The following ZNF529 variants were observed in gnomAD, a reference collection of about 807,000 sequenced individuals.
The protein encoded by ZNF529 is zinc finger protein 529.
ZNF529 carries 11 observed loss-of-function variants against 10.1 expected under a neutral mutation model. The observed-to-expected ratio is 1.09, with a 90% CI of 0.69 to 1.81. The LOEUF (loss-of-function observed/expected upper bound fraction) is 1.81, where lower values mean the gene tolerates loss of function less well. ZNF529 is among the 40% of genes most tolerant of loss of function. The pLI is 0.00. For missense variants in ZNF529, 624 were observed against 666.8 expected, an observed-to-expected ratio of 0.94 and a Z score of 0.71; for synonymous variants, 204 against 215.7, an observed-to-expected ratio of 0.95 and a Z score of 0.47.
upstream of ZNF529, among the ~76,000 whole-genome samples, chr19:36,574,396 GTCTTT>G (rs776724410): frequency 5.3e-4 from 80 of 152,244 alleles, no homozygotes; most frequent in Non-Finnish European, 1.0e-3. Context: ...CAGACTTGGG[GTCTTT>G]TCTATCAGTA....
chr19:36,564,670 C>T (rs555866300), intron 2 of ZNF529, among the ~76,000 whole-genome samples: 35 of 152,278 alleles, frequency 2.3e-4, no homozygotes, highest in African/African-American at 8.2e-4. Context: ...AGTTTAGCCA[C>T]TGTGGGATGC....
In ZNF529 at chr19:36,546,057, G is replaced by T. The variant is rs1452149189; in HGVS notation, c.*809C>A. On this transcript the variant is annotated 3_prime_UTR_variant, in exon 5 of 5. Coordinates refer to ENST00000591340, the MANE Select transcript of ZNF529 (RefSeq NM_020951.5). ...ATATATACATATATTGTGTGTGTGT[G>T]TGTGTATATATATATATATATATAG... 1.3e-5 allele frequency: 1 copy of T among 79,316 alleles called. No homozygotes were observed. The highest frequency in any genetic ancestry group is 3.0e-5 in the Non-Finnish European group (1 of 32,894). 4.9% of individuals were successfully genotyped at this position (79,316 alleles called of 1,614,324 possible).
At chr19:36,576,923 A>G (rs990941826), upstream of ZNF529, among the ~76,000 whole-genome samples, 11 of 150,352 alleles carry the variant, frequency 7.3e-5, no homozygotes, top group Admixed American at 1.3e-4. Context: ...CACATATCTC[A>G]GTTTACTAGT....
At chr19:36,603,557 G>T (rs2036964347) in intron 1 of ZNF529, among the ~76,000 whole-genome samples, 1 of 152,148 alleles carries the variant, frequency 6.6e-6, no homozygotes, top group African/African-American at 2.4e-5. Context: ...CAACTACAAT[G>T]CTTTTCTTCT....
At chr19:36,549,596 A>T (rs1167797561) in intron 4 of ZNF529, among the ~76,000 whole-genome samples, 1 of 152,192 alleles carries the variant, frequency 6.6e-6, no homozygotes, top group East Asian at 1.9e-4. Context: ...GCGAACATTC[A>T]TATGTATTTA....
intron 2 of ZNF529, among the ~76,000 whole-genome samples, chr19:36,560,035 G>T (rs542461209): frequency 1.3e-5 from 2 of 152,118 alleles, no homozygotes; most frequent in Admixed American, 6.5e-5. Context: ...GAGGCGGGAG[G>T]ATCCCCTGAG....
At chr19:36,577,967 C>A (rs1179393390), upstream of ZNF529, 1 of 151,604 alleles carries the variant, frequency 6.6e-6, no homozygotes, top group Non-Finnish European at 1.5e-5. Context: ...TCCATTCCTC[C>A]CTTATATTTT....
At chr19:36,557,356 T>C (rs2035516238) in intron 2 of ZNF529, among the ~76,000 whole-genome samples, 1 of 152,116 alleles carries the variant, frequency 6.6e-6, no homozygotes, top group African/African-American at 2.4e-5. Context: ...GACTAGGTAA[T>C]TTACAAAGGA....
chr19:36,593,996 C>T (rs1260749517), intron 1 of ZNF529: 4 of 152,148 alleles, frequency 2.6e-5, no homozygotes. Context: ...CAGATGTAGA[C>T]ACCAAGCAGA....
chr19:36,599,424 C>T (rs1367992295), intron 1 of ZNF529, among the ~76,000 whole-genome samples: 1 of 152,138 alleles, frequency 6.6e-6, no homozygotes, highest in Admixed American at 6.5e-5. Context: ...TATCCCTACA[C>T]ACATGGAAGT....
upstream of ZNF529, among the ~76,000 whole-genome samples, chr19:36,575,472 C>T (rs371347042): frequency 1.5e-4 from 23 of 151,712 alleles, no homozygotes; most frequent in Non-Finnish European, 2.7e-4. Flanking sequence ...CCCATCCCCC[C>T]GCCTCCTGCT....
chr19:36,573,289 C>T lies in ZNF529; in HGVS notation c.-196G>A. 1 of 345,622 alleles carries T rather than the reference C, an allele frequency of 2.9e-6. No homozygotes were observed. The highest frequency in any genetic ancestry group is 6.0e-6 in the Non-Finnish European group (1 of 166,346). 21.4% of individuals were successfully genotyped at this position (345,622 alleles called of 1,614,324 possible). On this transcript the variant is annotated 5_prime_UTR_variant, in exon 1 of 5. Coordinates refer to ENST00000591340, the MANE Select transcript of ZNF529 (RefSeq NM_020951.5). ...CGACTCGCCAGGCTTAACTCAATAA[C>T]CACAACACCGGAAAAGGAAGCAAAG...
At chr19:36,581,428 C>T (rs2036460505) in intron 2 of ZNF529, 1 of 152,214 alleles carries the variant, frequency 6.6e-6, no homozygotes, top group Non-Finnish European at 1.5e-5. Flanking sequence ...AGGAGAAATT[C>T]ATAGCAGCAT....
At chr19:36,572,509 G>C (rs1451252029) in intron 1 of ZNF529, 117 bp from the exon 2 acceptor site, 1 of 761,446 alleles carries the variant, frequency 1.3e-6, no homozygotes. Context: ...ATCGAAGAGG[G>C]AAACTAGAAT....
intron 2 of ZNF529, among the ~76,000 whole-genome samples, chr19:36,560,342 C>G (rs1404120368): frequency 6.6e-6 from 1 of 151,066 alleles, no homozygotes; most frequent in African/African-American, 2.4e-5. Flanking sequence ...CTCTTCTCCT[C>G]TTAACTGATA....
upstream of ZNF529, chr19:36,573,480 C>A (rs1165147165): frequency 1.3e-5 from 6 of 471,024 alleles, no homozygotes; most frequent in Non-Finnish European, 2.2e-5. Flanking sequence ...TGCCGCTGCG[C>A]GTCCCCTAGG....
intron 4 of ZNF529, among the ~76,000 whole-genome samples, chr19:36,552,302 C>A (rs7343132): frequency 2.6e-5 from 4 of 152,030 alleles, no homozygotes; most frequent in African/African-American, 9.6e-5. Flanking sequence ...TGGTGGCATG[C>A]GCCTGTAGTC....
intron 1 of ZNF529, among the ~76,000 whole-genome samples, chr19:36,591,477 T>C (rs986196494): frequency 6.6e-6 from 1 of 151,838 alleles, no homozygotes; most frequent in African/African-American, 2.4e-5. Context: ...CCCAGCACTT[T>C]GGGAGGCCGA....
intron 2 of ZNF529, 33 bp downstream of exon 2, chr19:36,572,300 G>A: frequency 6.5e-7 from 1 of 1,543,346 alleles, no homozygotes; most frequent in Non-Finnish European, 8.7e-7. Context: ...GAAAACCAAG[G>A]GACCAGGTAA....
Sources: allele counts gnomAD v4.1 joint callset (sites outside exome capture counted in the v4.1 genomes callset), GRCh38; gene constraint gnomAD v4.1.1; transcripts MANE v1.5; gene names NCBI Gene and HGNC (gene_info 2026-07-23, HGNC 2026-07-21).